Variants in SLC2A10 observed in about 807,000 individuals in gnomAD.
SLC2A10 encodes solute carrier family 2, facilitated glucose transporter member 10.
In SLC2A10, 25 loss-of-function variants were observed where a neutral mutation model predicts 32.1. That is an observed-to-expected ratio of 0.78 (90% CI 0.57 to 1.09). The LOEUF is 1.09. SLC2A10 is among the 50% of genes least tolerant of loss of function. The pLI is 0.00. For synonymous variants in SLC2A10, 332 were observed against 309.6 expected, an observed-to-expected ratio of 1.07 and a Z score of -0.76; for missense variants, 673 against 686.5, an observed-to-expected ratio of 0.98 and a Z score of 0.22.
intron 1 of SLC2A10, among the ~76,000 whole-genome samples, chr20:46,718,864 C>T (rs1211291563): frequency 6.6e-6 from 1 of 152,178 alleles, no homozygotes; most frequent in Non-Finnish European, 1.5e-5. Context: ...CAGCCTCGAC[C>T]TCCTGGGCTC....
chr20:46,715,170 T>A (rs1464324938), intron 1 of SLC2A10, among the ~76,000 whole-genome samples: 2 of 152,224 alleles, frequency 1.3e-5, no homozygotes, highest in Non-Finnish European at 2.9e-5. Flanking sequence ...GGAAGGAACA[T>A]AAAGTCTTCA....
chr20:46,730,921 CTAT>C (rs1198804100), intron 4 of SLC2A10, among the ~76,000 whole-genome samples: 1 of 152,176 alleles, frequency 6.6e-6, no homozygotes, highest in Admixed American at 6.5e-5. Context: ...AAAAATCATT[CTAT>C]TATTGACTAG....
intron 1 of SLC2A10, among the ~76,000 whole-genome samples, chr20:46,721,008 TG>T (rs1421790800): frequency 1.3e-5 from 2 of 152,238 alleles, no homozygotes; most frequent in Non-Finnish European, 2.9e-5. Context: ...TGGAGGCCCC[TG>T]TCTGTTGCCT....
intron 4 of SLC2A10, among the ~76,000 whole-genome samples, chr20:46,730,339 C>T (rs1410596889): frequency 6.6e-6 from 1 of 151,936 alleles, no homozygotes; most frequent in Non-Finnish European, 1.5e-5. Flanking sequence ...TAAACAAGAG[C>T]GTTTTAGTTG....
intron 3 of SLC2A10, 137 bp downstream of exon 3, chr20:46,727,123 G>A (rs975923379): frequency 4.6e-5 from 54 of 1,184,000 alleles, no homozygotes; most frequent in Middle Eastern, 1.9e-4. Context: ...TGTCCAAGAC[G>A]ACATCCAGGA....
In SLC2A10 at chr20:46,734,968, G is replaced by T. The variant is rs1376581645; in HGVS notation, c.*1134G>T. 1 of 152,618 alleles carries T rather than the reference G, an allele frequency of 6.6e-6. No homozygotes were observed. Among genetic ancestry groups the T allele is most frequent in the Non-Finnish European group, 1.5e-5 (1 of 68,032 alleles). 9.5% of individuals were successfully genotyped at this position (152,618 alleles called of 1,614,324 possible). ...TCATCTGCAGAATGGGGATAATTATGTCCCAGGGGTATATTTAGACCCTGT... is the reference window on the plus strand; with the variant it reads ...TCATCTGCAGAATGGGGATAATTATTTCCCAGGGGTATATTTAGACCCTGT... On this transcript the variant is annotated 3_prime_UTR_variant, in exon 5 of 5. Transcript: ENST00000359271.
At chr20:46,728,963 C>G (rs955552552) in intron 3 of SLC2A10, among the ~76,000 whole-genome samples, 1 of 151,048 alleles carries the variant, frequency 6.6e-6, no homozygotes, top group Non-Finnish European at 1.5e-5. Flanking sequence ...TTTTTTCAAA[C>G]TGAGATTTGC....
chr20:46,724,258 A>G (rs975277815), intron 1 of SLC2A10, among the ~76,000 whole-genome samples: 3 of 152,206 alleles, frequency 2.0e-5, no homozygotes, highest in African/African-American at 7.2e-5. Context: ...TGGACAACAC[A>G]TCTGTATTCC....
intron 2 of SLC2A10, 97 bp from the exon 3 acceptor site, chr20:46,726,767 A>G: frequency 2.0e-6 from 3 of 1,521,844 alleles, no homozygotes. Flanking sequence ...GCCTGACACT[A>G]GAAAATCCCA....
rs530216827 is a variant in SLC2A10, at chr20:46,725,342, C to T, written c.306C>T (p.Val102=). ...LGLAGSLAWL[V]LGRAVVGFAI... ...TGGCTGGTTCCCTGGCCTGGCTGGT[C>T]CTGGGCCGCGCTGTGGTTGGCTTCG... is the stretch of plus-strand genomic sequence containing the variant. Residue 102 remains valine, a synonymous_variant, in exon 2 of 5, where the codon GTC becomes GTT. Transcript: ENST00000359271. The T allele has an allele frequency of 6.0e-5, 97 of 1,613,970 alleles. No homozygotes were observed. The highest frequency in any genetic ancestry group is 8.1e-5 in the Non-Finnish European group (96 of 1,180,042).
At chr20:46,718,893 A>G (rs1979399823) in intron 1 of SLC2A10, among the ~76,000 whole-genome samples, 2 of 152,170 alleles carry the variant, frequency 1.3e-5, no homozygotes, top group Non-Finnish European at 2.9e-5. Context: ...CTTCTGCCTC[A>G]GCCTCCTGAT....
intron 1 of SLC2A10, among the ~76,000 whole-genome samples, chr20:46,723,699 A>G (rs182560017): frequency 3.4e-4 from 51 of 151,734 alleles, no homozygotes; most frequent in Non-Finnish European, 5.2e-4. Flanking sequence ...GCCCCTGCCT[A>G]TTTCTCCTGC....
At chr20:46,730,935 C>T (rs938180797) in intron 4 of SLC2A10, among the ~76,000 whole-genome samples, 6 of 152,200 alleles carry the variant, frequency 3.9e-5, no homozygotes, top group African/African-American at 1.4e-4. Context: ...TATTGACTAG[C>T]ATCCCTGCAC....
At chr20:46,717,964 G>A (rs1318481144) in intron 1 of SLC2A10, among the ~76,000 whole-genome samples, 2 of 152,154 alleles carry the variant, frequency 1.3e-5, no homozygotes, top group Non-Finnish European at 2.9e-5. Context: ...ACTCACGCCT[G>A]TAATCCCAAC....
chr20:46,725,517 C>T lies in SLC2A10; in HGVS notation c.481C>T (p.Pro161Ser). The T allele has an allele frequency of 6.2e-7, 1 of 1,614,160 alleles. No individual in the cohort carries two copies. The highest frequency in any genetic ancestry group is 8.5e-7 in the Non-Finnish European group (1 of 1,180,014). The change falls in exon 2 of 5, where the codon CCC becomes TCC. Residue 161 changes from proline (P) to serine (S), a missense_variant. Pro to Ser is a moderately conservative substitution (Grantham distance 74). Transcript: ENST00000359271. ...CCTCAACTATGCACTGGCTGGTACC[C>T]CCTGGGGATGGAGGCACATGTTCGG... The part of the protein sequence containing the change: ...YALNYALAGT[P>S]WGWRHMFGWA...
At chr20:46,730,058 A>G (rs1456772583) in intron 4 of SLC2A10, among the ~76,000 whole-genome samples, 3 of 152,202 alleles carry the variant, frequency 2.0e-5, no homozygotes, top group African/African-American at 7.2e-5. Context: ...TGATTATGGA[A>G]TCACAGGAGG....
chr20:46,709,794 A>G (rs1978800313), intron 1 of SLC2A10, 54 bp downstream of exon 1: 2 of 1,543,190 alleles, frequency 1.3e-6, no homozygotes, highest in Non-Finnish European at 1.7e-6. Flanking sequence ...CCCAGGGTGT[A>G]GACACCGCCC....
chr20:46,708,825 C>T (rs1227331514), upstream of SLC2A10, among the ~76,000 whole-genome samples: 2 of 152,314 alleles, frequency 1.3e-5, no homozygotes, highest in South Asian at 4.1e-4. Flanking sequence ...GACACTCTGG[C>T]TTCATTTCTG....
At position 46,725,790 on chromosome 20, in the gene SLC2A10, T is replaced by C; in HGVS notation, c.754T>C (p.Cys252Arg). 1.9e-6 allele frequency: 3 copies of C among 1,614,224 alleles called. No homozygotes were observed. Among genetic ancestry groups the C allele is most frequent in the Non-Finnish European group, 2.5e-6 (3 of 1,180,018 alleles). The change falls in exon 2 of 5, where the codon TGC (cysteine) becomes CGC (arginine). Residue 252 changes from cysteine (C) to arginine (R), a missense_variant. Coordinates refer to ENST00000359271, the MANE Select transcript of SLC2A10 (RefSeq NM_030777.4). The stretch of plus-strand genomic sequence containing the variant: ...ACTAACAGGGCAGCCCAACGTGCTG[T>C]GCTATGCCTCCACCATCTTCAGCTC... The part of the protein sequence containing the change: ...QQLTGQPNVL[C>R]YASTIFSSVG...
Sources: allele counts gnomAD v4.1 joint callset (sites outside exome capture counted in the v4.1 genomes callset), GRCh38; gene constraint gnomAD v4.1.1; transcripts MANE v1.5; gene names NCBI Gene and HGNC (gene_info 2026-07-23, HGNC 2026-07-21).